IGHMBP2: variants seen among roughly 807,000 people sequenced by gnomAD.
The protein encoded by IGHMBP2 is immunoglobulin mu DNA binding protein 2, also known as DNA-binding protein SMUBP-2.
A neutral mutation model predicts 96.0 loss-of-function variants in IGHMBP2; 81 were observed. The ratio of observed to expected loss-of-function variants is 0.84; its 90% confidence interval spans 0.71 to 1.01. The LOEUF (loss-of-function observed/expected upper bound fraction) is 1.01. Ranked by LOEUF, IGHMBP2 falls within the 50% of genes least tolerant of loss-of-function variation. The pLI is 0.00. For missense variants in IGHMBP2, 1,227 were observed against 1,306.3 expected, an observed-to-expected ratio of 0.94 and a Z score of 0.94; for synonymous variants, 557 against 548.9, an observed-to-expected ratio of 1.01 and a Z score of -0.21.
chr11:68,923,328 G>A (rs1035482232), intron 7 of IGHMBP2, among the ~76,000 whole-genome samples: 3 of 151,772 alleles, frequency 2.0e-5, no homozygotes, highest in African/African-American at 7.3e-5. Flanking sequence ...TCAGTCTCCC[G>A]AGTAGCTGGG....
chr11:68,908,176 T>C lies in IGHMBP2; in HGVS notation c.288T>C (p.Asn96=). The C allele has an allele frequency of 1.2e-6, 2 of 1,614,114 alleles. No individual in the cohort carries two copies. The highest frequency in any genetic ancestry group is 1.7e-6 in the Non-Finnish European group (2 of 1,180,018). ...TCGTGGGCCTGTACGATGCTGCTAA[T>C]GAGGGCAGTCAGCTGGCCACTGGGA... is the stretch of plus-strand genomic sequence containing the variant. ...GDIVGLYDAA[N]EGSQLATGIL... The change falls in exon 3 of 15, where the codon AAT becomes AAC. Residue 96 remains asparagine, a synonymous_variant. Coordinates refer to ENST00000255078, the MANE Select transcript of IGHMBP2 (RefSeq NM_002180.3).
In IGHMBP2 at chr11:68,928,327, GTC is replaced by G. The variant is rs1859148090; in HGVS notation, c.1061-852_1061-851del. 2.0e-5 allele frequency among the ~76,000 whole-genome samples: 3 copies of G among 152,218 alleles called. No individual in the cohort carries two copies. In the South Asian group the frequency reaches 6.2e-4, roughly 31 times the overall value. On this transcript the variant is annotated intron_variant, in intron 7 of 14. Coordinates refer to ENST00000255078, the MANE Select transcript of IGHMBP2 (RefSeq NM_002180.3). ...GAAGTCACATCTGTGACCTAAACAT[GTC>G]TCTTAATTATCCAAAGCCCAGCCAA...
chr11:68,917,138 C>CAG (rs1858705228), intron 6 of IGHMBP2, among the ~76,000 whole-genome samples: 1 of 151,830 alleles, frequency 6.6e-6, no homozygotes, highest in African/African-American at 2.4e-5. Context: ...ACACCATGCC[C>CAG]AGCTAATTTT....
At chr11:68,906,935 C>T (rs1858225566) in intron 2 of IGHMBP2, among the ~76,000 whole-genome samples, 1 of 151,988 alleles carries the variant, frequency 6.6e-6, no homozygotes, top group Non-Finnish European at 1.5e-5. Flanking sequence ...AGCCAGTGCA[C>T]CCAGCCTCTT....
At chr11:68,906,850 C>T (rs950892323) in intron 2 of IGHMBP2, among the ~76,000 whole-genome samples, 1 of 152,030 alleles carries the variant, frequency 6.6e-6, no homozygotes, top group Non-Finnish European at 1.5e-5. Flanking sequence ...CCATGTTGTT[C>T]AGGCTGGTCT....
intron 7 of IGHMBP2, among the ~76,000 whole-genome samples, chr11:68,927,949 C>T (rs1028155210): frequency 6.6e-6 from 1 of 152,198 alleles, no homozygotes; most frequent in South Asian, 2.1e-4. Context: ...TTCAGTGCCA[C>T]CGAGCTCCCG....
intron 7 of IGHMBP2, among the ~76,000 whole-genome samples, chr11:68,920,733 C>T (rs1858845136): frequency 6.6e-6 from 1 of 151,566 alleles, no homozygotes; most frequent in African/African-American, 2.4e-5. Flanking sequence ...GTCCTTCCAC[C>T]TCTGCCTCCC....
rs1566449950 is a variant in IGHMBP2 at position 68,939,733 on chromosome 11, CG to C, written c.*4del. ...CGGAGGAAGGAGAGGGGGACGTGAC[CG>C]GCCGCATCCTTGCACGCCCCGCGGA... On this transcript the variant is annotated 3_prime_UTR_variant, in exon 15 of 15. Transcript: ENST00000255078. 1.2e-6 allele frequency: 2 copies of C among 1,605,862 alleles called. No homozygotes were observed.
intron 8 of IGHMBP2, chr11:68,930,089 C>T (rs1335498361): frequency 1.7e-6 from 2 of 1,178,850 alleles, no homozygotes; most frequent in Non-Finnish European, 1.1e-6. Flanking sequence ...CGTGCCCTCT[C>T]TCCAGATGAA....
chr11:68,909,846 G>A (rs984850754), intron 4 of IGHMBP2, among the ~76,000 whole-genome samples: 7 of 151,948 alleles, frequency 4.6e-5, no homozygotes, highest in African/African-American at 7.3e-5. Context: ...TGGTCGGGCC[G>A]GTCTTGAACT....
chr11:68,936,272 A>G lies in IGHMBP2; in HGVS notation c.1792A>G (p.Asn598Asp). The change falls in exon 13 of 15, where the codon AAC becomes GAC. Residue 598 changes from asparagine (N) to aspartate (D), a missense_variant. Coordinates refer to ENST00000255078, the MANE Select transcript of IGHMBP2 (RefSeq NM_002180.3). ...VGFLAEDRRI[N>D]VAVTRARRHV... Reference sequence around the variant, plus strand: ...TTTTCTTGCTGAGGACCGGAGGATCAACGTGGCTGTCACCCGTGCCCGACG... The same window carrying G: ...TTTTCTTGCTGAGGACCGGAGGATCGACGTGGCTGTCACCCGTGCCCGACG... The G allele has an allele frequency of 1.2e-6, 2 of 1,614,184 alleles. No homozygotes were observed. The highest frequency in any genetic ancestry group is 1.7e-6 in the Non-Finnish European group (2 of 1,180,020).
rs575747247 is a variant in IGHMBP2 at position 68,935,140 on chromosome 11, G to T, written c.1633-159G>T. Among the ~76,000 whole-genome samples the T allele has an allele frequency of 3.3e-4, 51 of 152,390 alleles. No individual in the cohort carries two copies. The South Asian group carries it at 0.01, about 30-fold the overall frequency. ...ATTGGCGTGCATGCGTGCCCGTGAGGAGGGCGAACGGGAAGCCTTTCCCCA... is the reference window on the plus strand; with the variant it reads ...ATTGGCGTGCATGCGTGCCCGTGAGTAGGGCGAACGGGAAGCCTTTCCCCA... On this transcript the variant is annotated intron_variant, in intron 11 of 14. Transcript: ENST00000255078.
chr11:68,937,882 C>T, intron 13 of IGHMBP2: 1 of 439,956 alleles, frequency 2.3e-6, no homozygotes, highest in Non-Finnish European at 4.2e-6. Context: ...ACGCTTTGTG[C>T]TAGAGGACAG....
At position 68,917,894 on chromosome 11, in the gene IGHMBP2, G is replaced by C. The variant is rs761888334; in HGVS notation, c.1060+11G>C. ...TTGCAACAAACACAGGTGAGGGGGC[G>C]TCTCCATCCTGCCTGTGTGGCCTCG... On this transcript the variant is annotated intron_variant, in intron 7 of 14. Transcript: ENST00000255078. 6.2e-7 allele frequency: 1 copy of C among 1,613,574 alleles called. No individual in the cohort carries two copies. Among genetic ancestry groups the C allele is most frequent in the Non-Finnish European group, 8.5e-7 (1 of 1,179,774 alleles).
intron 7 of IGHMBP2, chr11:68,926,304 C>G (rs902404759): frequency 2.2e-5 from 3 of 133,354 alleles, no homozygotes; most frequent in African/African-American, 5.8e-5. Flanking sequence ...TGGAGTCTCG[C>G]TCTATCGCCA....
In IGHMBP2 at chr11:68,903,923, G is replaced by C. The variant is rs369459369; in HGVS notation, c.-30G>C. 3.9e-4 allele frequency: 616 copies of C among 1,595,658 alleles called. 1 individual carries two copies. Among genetic ancestry groups the C allele is most frequent in the Non-Finnish European group, 3.7e-4 (431 of 1,170,974 alleles). On this transcript the variant is annotated 5_prime_UTR_variant, in exon 1 of 15. Coordinates refer to ENST00000255078, the MANE Select transcript of IGHMBP2 (RefSeq NM_002180.3). The stretch of plus-strand genomic sequence containing the variant: ...CGGCCCGGCGCAGAAGCGGGACGTC[G>C]GCTTCTAGGGGCCCAGGCCGGCGGC...
chr11:68,922,011 G>A (rs955253743), intron 7 of IGHMBP2, among the ~76,000 whole-genome samples: 2 of 152,232 alleles, frequency 1.3e-5, no homozygotes, highest in East Asian at 1.9e-4. Flanking sequence ...TGTATGTAAC[G>A]TGTCTTTTTT....
intron 2 of IGHMBP2, among the ~76,000 whole-genome samples, chr11:68,907,430 G>A (rs1215640635): frequency 6.6e-6 from 1 of 152,186 alleles, no homozygotes; most frequent in African/African-American, 2.4e-5. Flanking sequence ...TTGGAAAGGA[G>A]GGACAGTTAG....
In IGHMBP2 at chr11:68,936,601, A is replaced by C. The variant is rs1342765347; in HGVS notation, c.2121A>C (p.Pro707=). ...PAGKSLASEA[P]SQPSLNGGSP... ...GGAAGTCTCTGGCCTCTGAAGCTCC[A>C]TCTCAGCCCAGCCTCAACGGAGGCA... is the stretch of plus-strand genomic sequence containing the variant. Residue 707 remains proline, a synonymous_variant, in exon 13 of 15, where the codon CCA becomes CCC. Transcript: ENST00000255078. 1 of 1,613,024 alleles carries C rather than the reference A, an allele frequency of 6.2e-7. No individual in the cohort carries two copies. The highest frequency in any genetic ancestry group is 1.7e-5 in the Admixed American group (1 of 59,974).
Sources: gnomAD v4.1 joint callset for allele counts (sites outside exome capture counted in the v4.1 genomes callset) on GRCh38, gnomAD v4.1.1 for gene constraint, MANE v1.5 for transcripts, NCBI Gene and HGNC (gene_info 2026-07-23, HGNC 2026-07-21) for gene names.